DISC1: variants seen among roughly 807,000 people sequenced by gnomAD.
DISC1 encodes the protein disrupted in schizophrenia 1 protein.
Under a neutral mutation model 84.5 loss-of-function variants are expected in DISC1, and 57 were observed. That is an observed-to-expected ratio of 0.67 (90% CI 0.55 to 0.84). The LOEUF (loss-of-function observed/expected upper bound fraction) is 0.84, where lower values mean the gene tolerates loss of function less well. Among genes scored for constraint, DISC1 ranks in the 40% least tolerant of loss-of-function variants. DISC1 has a pLI of 0.00. For synonymous variants in DISC1, 411 were observed against 415.2 expected (o/e 0.99, Z 0.12); for missense variants, 1,000 against 1,057.8 (o/e 0.95, Z 0.76).
chr1:231,795,552 T>A (rs2078693465), intron 7 of DISC1, among the ~76,000 whole-genome samples: 1 of 152,192 alleles, frequency 6.6e-6, no homozygotes, highest in Non-Finnish European at 1.5e-5. Flanking sequence ...ATTTAGGGAC[T>A]GAAAAAGGAC....
rs1659825267 is a variant in DISC1, at chr1:231,958,042, C to G, written c.1982-786C>G. 2.6e-5 allele frequency among the ~76,000 whole-genome samples: 4 copies of G among 152,186 alleles called. No individual in the cohort carries two copies. In the South Asian group the frequency reaches 8.3e-4, roughly 32 times the overall value. On this transcript the variant is annotated intron_variant, in intron 9 of 12. Coordinates refer to ENST00000439617, the MANE Select transcript of DISC1 (RefSeq NM_018662.3). ...ATACTAGTAATAGACATGGCAGCACCATTGATAATTCCAGCCACCATTTGC... is the reference window on the plus strand; with the variant it reads ...ATACTAGTAATAGACATGGCAGCACGATTGATAATTCCAGCCACCATTTGC...
chr1:231,768,030 A>G (rs1448141489), intron 5 of DISC1, among the ~76,000 whole-genome samples: 1 of 152,160 alleles, frequency 6.6e-6, no homozygotes, highest in African/African-American at 2.4e-5. Context: ...TGGAAGCCCA[A>G]GGTTGGCCCA....
intron 9 of DISC1, among the ~76,000 whole-genome samples, chr1:231,940,609 C>G (rs1254319791): frequency 1.3e-5 from 2 of 151,878 alleles, no homozygotes; most frequent in East Asian, 3.9e-4. Flanking sequence ...CCATGTGAGT[C>G]TATTTTTAAA....
At chr1:231,628,584 C>A (rs2058451953) in intron 1 of DISC1, among the ~76,000 whole-genome samples, 1 of 152,188 alleles carries the variant, frequency 6.6e-6, no homozygotes, top group Non-Finnish European at 1.5e-5. Flanking sequence ...GGTTCAGGGT[C>A]ACCCTGCTTG....
At chr1:231,860,591 G>A (rs1188360498) in intron 9 of DISC1, among the ~76,000 whole-genome samples, 2 of 152,182 alleles carry the variant, frequency 1.3e-5, no homozygotes, top group South Asian at 2.1e-4. Flanking sequence ...AAAAGCCCAC[G>A]TTTTCAGGAA....
At chr1:232,014,508 C>T (rs565493774) in intron 11 of DISC1, among the ~76,000 whole-genome samples, 1 of 152,324 alleles carries the variant, frequency 6.6e-6, no homozygotes, top group Admixed American at 6.5e-5. Flanking sequence ...GCAGTAGAAG[C>T]AACCAGGATG....
chr1:231,896,361 A>C (rs936516891), intron 9 of DISC1, among the ~76,000 whole-genome samples: 1 of 152,192 alleles, frequency 6.6e-6, no homozygotes, highest in South Asian at 2.1e-4. Flanking sequence ...CTGTCTCTTC[A>C]TAGAGGTCAG....
intron 3 of DISC1, chr1:231,720,926 T>C (rs1296309127): frequency 4.6e-6 from 6 of 1,290,970 alleles, no homozygotes; most frequent in African/African-American, 3.0e-5. Context: ...TAACCACAGG[T>C]AATTTACTTT....
chr1:231,895,148 AT>A (rs1403785646), intron 9 of DISC1, among the ~76,000 whole-genome samples: 1 of 143,008 alleles, frequency 7.0e-6, no homozygotes, highest in African/African-American at 2.6e-5. Context: ...TTAGTATTCT[AT>A]TTTATCTCTT....
At chr1:231,952,075 C>T (rs549377543) in intron 9 of DISC1, among the ~76,000 whole-genome samples, 1 of 115,690 alleles carries the variant, frequency 8.6e-6, no homozygotes, top group Admixed American at 1.2e-4. Flanking sequence ...AGAGCAAGAC[C>T]TTGTCTCAAT....
intron 9 of DISC1, among the ~76,000 whole-genome samples, chr1:231,834,689 C>G (rs2082500382): frequency 6.6e-6 from 1 of 150,884 alleles, no homozygotes; most frequent in Non-Finnish European, 1.5e-5. Context: ...CAATGGGGGG[C>G]AGAAGCTTGC....
At chr1:231,638,502 G>C (rs139602079) in intron 1 of DISC1, among the ~76,000 whole-genome samples, 1 of 152,138 alleles carries the variant, frequency 6.6e-6, no homozygotes, top group East Asian at 1.9e-4. Flanking sequence ...TTCATCTTTA[G>C]TTGAATTTAG....
intron 9 of DISC1, among the ~76,000 whole-genome samples, chr1:231,835,015 G>A (rs2082525410): frequency 6.6e-6 from 1 of 152,208 alleles, no homozygotes; most frequent in African/African-American, 2.4e-5. Flanking sequence ...GGGAGAGATT[G>A]AAGTGTGGCG....
At chr1:231,627,071 C>A in intron 1 of DISC1, 137 bp downstream of exon 1, 2 of 588,080 alleles carry the variant, frequency 3.4e-6, no homozygotes, top group Non-Finnish European at 5.5e-6. Context: ...GAAACTGAGG[C>A]AGGACGCGAG....
At chr1:232,006,745 T>C (rs139469973) in intron 10 of DISC1, among the ~76,000 whole-genome samples, 1 of 152,182 alleles carries the variant, frequency 6.6e-6, no homozygotes, top group South Asian at 2.1e-4. Context: ...TGCAGAAATT[T>C]GCATAAGTAA....
At chr1:231,952,449 T>C (rs1022225051) in intron 9 of DISC1, among the ~76,000 whole-genome samples, 19 of 152,088 alleles carry the variant, frequency 1.2e-4, no homozygotes, top group South Asian at 6.2e-4. Context: ...AAATCCTCTC[T>C]TGAGAGTTCT....
rs142670055 is a variant in DISC1 at position 231,680,182 on chromosome 1, C to G, written c.68-13644C>G. 9.0e-3 allele frequency among the ~76,000 whole-genome samples: 1,372 copies of G among 152,138 alleles called. 20 individuals carry two copies. Among genetic ancestry groups the G allele is most frequent in the African/African-American group, 0.032 (1,308 of 41,504 alleles). On this transcript the variant is annotated intron_variant, in intron 1 of 12. Coordinates refer to ENST00000439617, the MANE Select transcript of DISC1 (RefSeq NM_018662.3). ...GGCGGAGGCTGTAGTGAGCCGAGAT[C>G]GTGCCACTGCACTCCAGCCTGGGTG...
At chr1:231,816,342 A>G (rs569198593) in intron 8 of DISC1, among the ~76,000 whole-genome samples, 2 of 152,336 alleles carry the variant, frequency 1.3e-5, no homozygotes, top group East Asian at 3.9e-4. Flanking sequence ...CTTGTCAGTT[A>G]AACATAATGC....
At chr1:231,799,643 G>T (rs1215923183) in intron 7 of DISC1, among the ~76,000 whole-genome samples, 1 of 151,834 alleles carries the variant, frequency 6.6e-6, no homozygotes, top group East Asian at 2.0e-4. Flanking sequence ...CAAAAGTGAT[G>T]CAGACAGGAG....
Sources: gnomAD v4.1 joint callset for allele counts (sites outside exome capture counted in the v4.1 genomes callset) on GRCh38, gnomAD v4.1.1 for gene constraint, MANE v1.5 for transcripts, NCBI Gene and HGNC (gene_info 2026-07-23, HGNC 2026-07-21) for gene names.